The following RARB variants were observed in gnomAD, a reference collection of about 807,000 sequenced individuals.
RARB encodes the protein HBV-activated protein.
Under a neutral mutation model 51.9 loss-of-function variants are expected in RARB, and 17 were observed. The observed-to-expected ratio is 0.33, with a 90% confidence interval of 0.22 to 0.49. The LOEUF is 0.49. Among genes scored for constraint, RARB ranks in the 20% least tolerant of loss-of-function variants. The pLI is 0.99. For missense variants in RARB, 369 were observed against 550.8 expected (o/e 0.67, Z 3.30); for synonymous variants, 215 against 195.4 (o/e 1.10, Z -0.84).
intron 5 of RARB, among the ~76,000 whole-genome samples, chr3:25,187,559 A>G (rs1465863954): frequency 6.6e-6 from 1 of 152,032 alleles, no homozygotes; most frequent in Non-Finnish European, 1.5e-5. Context: ...GAGAAAGGGA[A>G]AGTTTTTTTT....
intron 5 of RARB, among the ~76,000 whole-genome samples, chr3:25,420,195 C>T (rs1183831837): frequency 6.6e-6 from 1 of 152,196 alleles, no homozygotes; most frequent in African/African-American, 2.4e-5. Flanking sequence ...GTTACCCTGA[C>T]AATTCCCACT....
intron 5 of RARB, among the ~76,000 whole-genome samples, chr3:25,296,234 C>G (rs991781771): frequency 6.6e-6 from 1 of 152,084 alleles, no homozygotes; most frequent in Admixed American, 6.6e-5. Flanking sequence ...CCTCTCAAAC[C>G]CACAGTAGAA....
intron 2 of RARB, among the ~76,000 whole-genome samples, chr3:25,047,962 GA>G (rs1284683148): frequency 6.6e-6 from 1 of 152,186 alleles, no homozygotes; most frequent in African/African-American, 2.4e-5. Flanking sequence ...TCATGGTAGT[GA>G]ATAAGTCTCA....
chr3:24,908,637 T>C (rs1215964958), intron 2 of RARB, among the ~76,000 whole-genome samples: 2 of 148,468 alleles, frequency 1.3e-5, no homozygotes, highest in East Asian at 4.0e-4. Context: ...GCTCTAAAAT[T>C]TGTAATTCTT....
At chr3:25,156,516 CAAAAAAAAAAAAAAAAAAAA>C (rs35710364) in intron 4 of RARB, among the ~76,000 whole-genome samples, 2 of 56,812 alleles carry the variant, frequency 3.5e-5, no homozygotes. Flanking sequence ...GCCCCAACTG[CAAAAAAAAAAAAAAAAAAAA>C]AAAAAAAAAA....
chr3:25,443,421 C>CT (rs5847355), intron 1 of RARB, among the ~76,000 whole-genome samples: 14 of 150,078 alleles, frequency 9.3e-5, no homozygotes, highest in South Asian at 2.1e-4. Context: ...CCCACCACCC[C>CT]TTTTTTTTTG....
At chr3:25,201,855 G>C (rs1309540163) in intron 5 of RARB, among the ~76,000 whole-genome samples, 2 of 151,972 alleles carry the variant, frequency 1.3e-5, no homozygotes, top group Admixed American at 1.3e-4. Flanking sequence ...GAGGATTTTT[G>C]CATCGATGTT....
At chr3:24,895,720 A>C (rs900817499) in intron 2 of RARB, among the ~76,000 whole-genome samples, 1 of 152,092 alleles carries the variant, frequency 6.6e-6, no homozygotes, top group African/African-American at 2.4e-5. Context: ...CAGAAAAATA[A>C]CGAGTATTGA....
intron 5 of RARB, among the ~76,000 whole-genome samples, chr3:25,181,845 T>G (rs977558092): frequency 2.8e-4 from 43 of 152,142 alleles, no homozygotes; most frequent in Middle Eastern, 6.3e-3. Flanking sequence ...ATGTCACCGA[T>G]GGCAGTGCTG....
At chr3:25,409,674 G>C (rs1457495261) in intron 5 of RARB, among the ~76,000 whole-genome samples, 1 of 152,234 alleles carries the variant, frequency 6.6e-6, no homozygotes, top group East Asian at 1.9e-4. Flanking sequence ...TATTACAAAG[G>C]ACTTTGTGTT....
chr3:25,187,382 G>A (rs894827212), intron 5 of RARB, among the ~76,000 whole-genome samples: 4 of 151,796 alleles, frequency 2.6e-5, no homozygotes, highest in Non-Finnish European at 5.9e-5. Flanking sequence ...AAGTGGGTAG[G>A]ATAAAGAACA....
At chr3:25,182,993 C>A (rs1265888449) in intron 5 of RARB, among the ~76,000 whole-genome samples, 1 of 152,058 alleles carries the variant, frequency 6.6e-6, no homozygotes, top group Non-Finnish European at 1.5e-5. Context: ...ACATTCCCCC[C>A]ACAGCTCTTA....
At chr3:25,552,135 TCAAGGTA>T (rs539518214) in intron 3 of RARB, among the ~76,000 whole-genome samples, 54 of 152,148 alleles carry the variant, frequency 3.5e-4, no homozygotes, top group African/African-American at 1.2e-3. Context: ...CCCTCTGTAG[TCAAGGTA>T]CATGGTAGCA....
chr3:25,321,571 G>C (rs1046941610), intron 5 of RARB, among the ~76,000 whole-genome samples: 3 of 151,874 alleles, frequency 2.0e-5, no homozygotes, highest in African/African-American at 7.3e-5. Context: ...TTAAAAATTA[G>C]CCGGGCATGG....
intron 5 of RARB, among the ~76,000 whole-genome samples, chr3:25,190,051 T>G (rs1392117): frequency 0.48 from 72,617 of 151,922 alleles, 18,005 homozygotes; most frequent in East Asian, 0.7. Context: ...TAAGCCCAAT[T>G]TATTCCTCAG....
At chr3:25,029,358 A>G (rs1183905859) in intron 2 of RARB, among the ~76,000 whole-genome samples, 1 of 152,242 alleles carries the variant, frequency 6.6e-6, no homozygotes, top group African/African-American at 2.4e-5. Context: ...CTCTTCTTAG[A>G]AAGCAGGAGG....
At chr3:25,055,537 G>A (rs1176767816) in intron 2 of RARB, among the ~76,000 whole-genome samples, 1 of 152,094 alleles carries the variant, frequency 6.6e-6, no homozygotes, top group Non-Finnish European at 1.5e-5. Context: ...GGAAGAGTTG[G>A]CTACCCATTA....
chr3:25,039,304 GT>G (rs1386581375), intron 2 of RARB, among the ~76,000 whole-genome samples: 16 of 152,220 alleles, frequency 1.1e-4, no homozygotes, highest in Non-Finnish European at 5.9e-5. Flanking sequence ...CCAAACCTCA[GT>G]GGAAAATAAG....
chr3:25,584,037 TCTC>T (rs1559479651), intron 5 of RARB, among the ~76,000 whole-genome samples: 1 of 152,064 alleles, frequency 6.6e-6, no homozygotes, highest in African/African-American at 2.4e-5. Context: ...ACCTGCCTCT[TCTC>T]CTCTGCACGT....
Sources: allele counts gnomAD v4.1 joint callset (sites outside exome capture counted in the v4.1 genomes callset), GRCh38; gene constraint gnomAD v4.1.1; transcripts MANE v1.5; gene names NCBI Gene and HGNC (gene_info 2026-07-23, HGNC 2026-07-21).